The following KCNQ1 variants were observed in gnomAD, a reference collection of about 807,000 sequenced individuals.
KCNQ1 encodes potassium voltage-gated channel subfamily Q member 1.
KCNQ1 carries 49 observed loss-of-function variants against 72.4 expected under a neutral mutation model. The ratio of observed to expected loss-of-function variants is 0.68; its 90% CI spans 0.54 to 0.86. The LOEUF is 0.86. Among genes scored for constraint, KCNQ1 ranks in the 40% least tolerant of loss-of-function variants. The pLI is 0.00. For missense variants in KCNQ1, 790 were observed against 945.1 expected (o/e 0.84, Z 2.15); for synonymous variants, 450 against 412.6 (o/e 1.09, Z -1.10).
intron 15 of KCNQ1, among the ~76,000 whole-genome samples, chr11:2,802,137 T>G (rs1315379994): frequency 6.6e-6 from 1 of 152,156 alleles, no homozygotes; most frequent in Non-Finnish European, 1.5e-5. Flanking sequence ...CACCCTCCAC[T>G]CCGCTTTTCC....
chr11:2,744,005 C>G (rs1846098987), intron 11 of KCNQ1, among the ~76,000 whole-genome samples: 1 of 152,230 alleles, frequency 6.6e-6, no homozygotes, highest in African/African-American at 2.4e-5. Flanking sequence ...CTGCAGGTCT[C>G]TCGTGGGCTC....
At position 2,492,091 on chromosome 11, in the gene KCNQ1, A is replaced by G. The variant is rs1034623053; in HGVS notation, c.387-35837A>G. Among the ~76,000 whole-genome samples the G allele has an allele frequency of 3.9e-5, 6 of 152,236 alleles. No individual in the cohort carries two copies. The highest frequency in any genetic ancestry group is 1.3e-4 in the Admixed American group (2 of 15,284). The stretch of plus-strand genomic sequence containing the variant: ...AAGAAATGCTAAAGGGAATTCTTCA[A>G]TCTGAAAGAAAAGGGTGTTAATAAG... On this transcript the variant is annotated intron_variant, in intron 1 of 15. Transcript: ENST00000155840. This position sits in a 1 kb window ranked among gnomAD's most constrained non-coding sequence, Gnocchi z 4.1.
rs1383284678 is a variant in KCNQ1, at chr11:2,704,760, TCTA to T, written c.1514+42680_1514+42682del. On this transcript the variant is annotated intron_variant, in intron 11 of 15. Coordinates refer to ENST00000155840, the MANE Select transcript of KCNQ1 (RefSeq NM_000218.3). This position sits in a 1 kb window ranked among gnomAD's most constrained non-coding sequence, Gnocchi z 4.3. Reference sequence around the variant, plus strand: ...TGGGCTCCCTCAGGCGGCAACTTTGTCTAGACTTCTGGCTGAGGACAGGGAGGA... The same window carrying T: ...TGGGCTCCCTCAGGCGGCAACTTTGTGACTTCTGGCTGAGGACAGGGAGGA... Among the ~76,000 whole-genome samples, 2 of 152,180 alleles carry T rather than the reference TCTA, an allele frequency of 1.3e-5. No individual in the cohort carries two copies. Among genetic ancestry groups the T allele is most frequent in the African/African-American group, 4.8e-5 (2 of 41,442 alleles).
rs1850341666 is a variant in KCNQ1, at chr11:2,678,981, T to C, written c.1514+16900T>C. On this transcript the variant is annotated intron_variant, in intron 11 of 15. Transcript: ENST00000155840. This position sits in a 1 kb window ranked among gnomAD's most constrained non-coding sequence, Gnocchi z 4.9. ...GAACAAAAGAGCAAATAGGCCTAAT[T>C]CAAGAATTTTTAAAAACCCGCAATA... The C allele has an allele frequency of 1.0e-5, 4 of 398,504 alleles. No individual in the cohort carries two copies. The highest frequency in any genetic ancestry group is 2.5e-4 in the South Asian group (2 of 7,852). The allele number at this position is 398,504 out of a possible 1,614,324, so 24.7% of individuals were successfully genotyped here. A position where few individuals can be genotyped will look rare whatever the true frequency, so the allele number is the denominator to read the frequency against.
chr11:2,640,261 C>T (rs1849552588), intron 10 of KCNQ1: 1 of 397,576 alleles, frequency 2.5e-6, no homozygotes, highest in East Asian at 3.6e-5. Flanking sequence ...CCCACTACCT[C>T]AGTTGGAAAT....
Position 2,544,483 on chromosome 11 carries a change from C to T in KCNQ1, c.477+16465C>T, listed in dbSNP as rs1257955034. ...TTATAAGGGTTATATATCTCATATACATATGAGGTTATATACCACTTATTT... is the reference window on the plus strand; with the variant it reads ...TTATAAGGGTTATATATCTCATATATATATGAGGTTATATACCACTTATTT... On this transcript the variant is annotated intron_variant, in intron 2 of 15. Coordinates refer to ENST00000155840, the MANE Select transcript of KCNQ1 (RefSeq NM_000218.3). This position sits in a 1 kb window ranked among gnomAD's most constrained non-coding sequence, Gnocchi z 4.4. 6.6e-6 allele frequency among the ~76,000 whole-genome samples: 1 copy of T among 151,418 alleles called. No homozygotes were observed. The highest frequency in any genetic ancestry group is 2.4e-5 in the African/African-American group (1 of 41,190).
At position 2,658,827 on chromosome 11, in the gene KCNQ1, CTCTGACAGCTAGAAACCT is replaced by C. The variant is rs1849899049; in HGVS notation, c.1394-3133_1394-3116del. 16 of 398,404 alleles carry C rather than the reference CTCTGACAGCTAGAAACCT, an allele frequency of 4.0e-5. No homozygotes were observed. The highest frequency in any genetic ancestry group is 6.6e-5 in the Non-Finnish European group (15 of 226,068). 24.7% of individuals were successfully genotyped at this position (398,404 alleles called of 1,614,324 possible). The stretch of plus-strand genomic sequence containing the variant: ...CCCCACAACTTATTTATAGCTTTTT[CTCTGACAGCTAGAAACCT>C]GGCTCCCATTACCTACAGTTCATTT... On this transcript the variant is annotated intron_variant, in intron 10 of 15. Coordinates refer to ENST00000155840, the MANE Select transcript of KCNQ1 (RefSeq NM_000218.3). The surrounding 1 kb of genome is among the most constrained non-coding windows in gnomAD (Gnocchi z 4.9).
intron 1 of KCNQ1, among the ~76,000 whole-genome samples, chr11:2,518,361 G>A (rs1459755090): frequency 6.6e-6 from 1 of 152,242 alleles, no homozygotes; most frequent in Non-Finnish European, 1.5e-5. Context: ...GAGGGTAGAC[G>A]CTGCCTTGGG....
At chr11:2,820,846 C>T (rs1847718417) in intron 15 of KCNQ1, among the ~76,000 whole-genome samples, 1 of 152,206 alleles carries the variant, frequency 6.6e-6, no homozygotes, top group African/African-American at 2.4e-5. Flanking sequence ...AAGCCATGTC[C>T]TCCACATCCC....
chr11:2,519,892 G>A (rs1027299769), intron 1 of KCNQ1, among the ~76,000 whole-genome samples: 1 of 152,196 alleles, frequency 6.6e-6, no homozygotes, highest in Admixed American at 6.5e-5. Context: ...TATCCAGGGG[G>A]CCCAAGTCCA....
chr11:2,587,199 A>G (rs1848603956), intron 8 of KCNQ1, among the ~76,000 whole-genome samples: 1 of 152,018 alleles, frequency 6.6e-6, no homozygotes, highest in African/African-American at 2.4e-5. Context: ...CCATTTCCGC[A>G]TTGGTCTCCT....
At chr11:2,577,319 C>T (rs775269011) in intron 6 of KCNQ1, among the ~76,000 whole-genome samples, 3 of 152,180 alleles carry the variant, frequency 2.0e-5, no homozygotes, top group African/African-American at 4.8e-5. Context: ...GAAGCACCGC[C>T]GGAGTGTCCC....
At position 2,746,012 on chromosome 11, in the gene KCNQ1, C is replaced by T. The variant is rs1383954755; in HGVS notation, c.1515-22832C>T. ...TCAAGCGATTGTCTCACCTCAGCCT[C>T]CTGAGTAGCTGGGACTACAGGTGTG... On this transcript the variant is annotated intron_variant, in intron 11 of 15. Coordinates refer to ENST00000155840, the MANE Select transcript of KCNQ1 (RefSeq NM_000218.3). This position sits in a 1 kb window ranked among gnomAD's most constrained non-coding sequence, Gnocchi z 5.9. Among the ~76,000 whole-genome samples the T allele has an allele frequency of 6.6e-6, 1 of 152,206 alleles. No individual in the cohort carries two copies. Among genetic ancestry groups the T allele is most frequent in the Non-Finnish European group, 1.5e-5 (1 of 68,044 alleles).
At position 2,653,443 on chromosome 11, in the gene KCNQ1, C is replaced by T. The variant is rs148518693; in HGVS notation, c.1394-8518C>T. ...CAAACAAGCTTAAGCACAAAAGGGA[C>T]ATTTTTTGGCTCACACAGCTGGACC... On this transcript the variant is annotated intron_variant, in intron 10 of 15. Coordinates refer to ENST00000155840, the MANE Select transcript of KCNQ1 (RefSeq NM_000218.3). This position sits in a 1 kb window ranked among gnomAD's most constrained non-coding sequence, Gnocchi z 5.3. The T allele has an allele frequency of 0.016, 6,293 of 398,632 alleles. 69 individuals are homozygous for T. Among genetic ancestry groups the T allele is most frequent in the Middle Eastern group, 0.025 (39 of 1,588 alleles). 24.7% of individuals were successfully genotyped at this position (398,632 alleles called of 1,614,324 possible).
At chr11:2,841,640 G>A (rs920865666) in intron 15 of KCNQ1, among the ~76,000 whole-genome samples, 3 of 152,238 alleles carry the variant, frequency 2.0e-5, no homozygotes, top group African/African-American at 7.2e-5. Context: ...CTGTTGGCCT[G>A]CAGGCCTTGG....
intron 11 of KCNQ1, among the ~76,000 whole-genome samples, chr11:2,758,837 C>G (rs144475021): frequency 1.0e-3 from 156 of 152,320 alleles, no homozygotes; most frequent in African/African-American, 3.4e-3. Context: ...ATAACATTCT[C>G]AAAGTCCAGG....
Position 2,464,515 on chromosome 11 carries a change from G to A in KCNQ1, c.386+19031G>A, listed in dbSNP as rs1434347091. Among the ~76,000 whole-genome samples, 4 of 152,018 alleles carry A rather than the reference G, an allele frequency of 2.6e-5. No individual in the cohort carries two copies. Among genetic ancestry groups the A allele is most frequent in the Non-Finnish European group, 4.4e-5 (3 of 67,998 alleles). On this transcript the variant is annotated intron_variant, in intron 1 of 15. Transcript: ENST00000155840. The surrounding 1 kb of genome is among the most constrained non-coding windows in gnomAD (Gnocchi z 5.0). ...TGGGGGCAGGTGCACTGTGGTCCTG[G>A]GTCCACATGGTGCTAGGGTCCCATG...
In KCNQ1 at chr11:2,563,344, C is replaced by T. The variant is rs954655729; in HGVS notation, c.478-7284C>T. Among the ~76,000 whole-genome samples the T allele has an allele frequency of 1.1e-4, 17 of 152,234 alleles. No individual in the cohort carries two copies. Among genetic ancestry groups the T allele is most frequent in the African/African-American group, 2.7e-4 (11 of 41,460 alleles). On this transcript the variant is annotated intron_variant, in intron 2 of 15. Coordinates refer to ENST00000155840, the MANE Select transcript of KCNQ1 (RefSeq NM_000218.3). This position sits in a 1 kb window ranked among gnomAD's most constrained non-coding sequence, Gnocchi z 7.4. ...GCGACCTTTCCCCGCTCTGTTCACT[C>T]GGAGACTAAAAATCCCAGATAAGCA...
At chr11:2,502,912 G>T (rs764644515) in intron 1 of KCNQ1, among the ~76,000 whole-genome samples, 22 of 152,068 alleles carry the variant, frequency 1.4e-4, no homozygotes, top group Admixed American at 1.0e-3. Flanking sequence ...TTTGACAAAG[G>T]TGCCAAGAAC....
Sources: gnomAD v4.1 joint callset for allele counts (sites outside exome capture counted in the v4.1 genomes callset) on GRCh38, gnomAD v4.1.1 for gene constraint, Gnocchi (gnomAD v3.1) non-coding constraint, MANE v1.5 for transcripts, NCBI Gene and HGNC (gene_info 2026-07-23, HGNC 2026-07-21) for gene names.